Variants in ALG8 observed in about 807,000 individuals in gnomAD.
ALG8 encodes the protein dolichyl pyrophosphate Glc1Man9GlcNAc2 alpha-1,3-glucosyltransferase.
ALG8 carries 48 observed loss-of-function variants against 70.2 expected under a neutral mutation model. That is an observed-to-expected ratio of 0.68 (90% CI 0.54 to 0.87). ALG8 has a LOEUF of 0.87. Ranked by LOEUF, ALG8 falls within the 40% of genes least tolerant of loss-of-function variation. ALG8 has a pLI of 0.00. For missense variants in ALG8, 572 were observed against 608.7 expected, an observed-to-expected ratio of 0.94 and a Z score of 0.64; for synonymous variants, 234 against 229.0, an observed-to-expected ratio of 1.02 and a Z score of -0.20.
At chr11:78,128,874 A>G (rs552809835) in intron 1 of ALG8, among the ~76,000 whole-genome samples, 1 of 151,474 alleles carries the variant, frequency 6.6e-6, no homozygotes, top group African/African-American at 2.4e-5. Flanking sequence ...TCGGCCTCCC[A>G]AAGTGCTGGG....
chr11:78,120,206 A>T (rs1454019991), intron 4 of ALG8, among the ~76,000 whole-genome samples: 1 of 152,180 alleles, frequency 6.6e-6, no homozygotes, highest in East Asian at 1.9e-4. Context: ...TTTATGTTTA[A>T]GAAGAAAAAC....
chr11:78,114,097 A>G, intron 6 of ALG8, 108 bp from the exon 7 acceptor site: 1 of 1,357,796 alleles, frequency 7.4e-7, no homozygotes, highest in Non-Finnish European at 1.0e-6. Context: ...ATACCAATCT[A>G]TTCATGATGT....
chr11:78,126,360 CTCT>C (rs1248127561), intron 2 of ALG8, among the ~76,000 whole-genome samples: 1 of 149,674 alleles, frequency 6.7e-6, no homozygotes, highest in Non-Finnish European at 1.5e-5. Context: ...GGGAAACCCC[CTCT>C]TTACTAAAAA....
intron 2 of ALG8, among the ~76,000 whole-genome samples, chr11:78,126,835 T>C (rs944172517): frequency 3.9e-5 from 6 of 152,190 alleles, no homozygotes; most frequent in African/African-American, 1.4e-4. Flanking sequence ...CACTATTCTT[T>C]CAAAAAGTGT....
Position 78,127,607 on chromosome 11 carries a change from G to A in ALG8, c.96-171C>T, listed in dbSNP as rs561881120. ...TCCTGTAAAACCTCATTTATCTGGAGGTCAGATCTTCTAGAAAGTTGTTGA... is the reference window on the plus strand; with the variant it reads ...TCCTGTAAAACCTCATTTATCTGGAAGTCAGATCTTCTAGAAAGTTGTTGA... On this transcript the variant is annotated intron_variant, in intron 1 of 12. Transcript: ENST00000299626. Among the ~76,000 whole-genome samples, 3 of 152,186 alleles carry A rather than the reference G, an allele frequency of 2.0e-5. No homozygotes were observed. The South Asian group carries it at 6.2e-4, about 32-fold the overall frequency.
intron 1 of ALG8, among the ~76,000 whole-genome samples, chr11:78,134,139 G>T (rs1299033032): frequency 4.3e-5 from 6 of 139,988 alleles, no homozygotes; most frequent in African/African-American, 7.8e-5. Flanking sequence ...TGGCAAACTG[G>T]TTTTTTTTTT....
chr11:78,101,401 G>A (rs927860191), intron 12 of ALG8, among the ~76,000 whole-genome samples: 3 of 152,178 alleles, frequency 2.0e-5, no homozygotes, highest in Non-Finnish European at 4.4e-5. Flanking sequence ...GGCCAAGGCA[G>A]GTGGATCACC....
chr11:78,112,837 A>G, intron 7 of ALG8, 67 bp from the exon 8 acceptor site: 1 of 1,575,384 alleles, frequency 6.3e-7, no homozygotes, highest in South Asian at 1.1e-5. Context: ...AAAGAGAACT[A>G]GGGAACTCTC....
chr11:78,115,452 C>T (rs570880842), intron 5 of ALG8, among the ~76,000 whole-genome samples: 2 of 141,698 alleles, frequency 1.4e-5, no homozygotes, highest in South Asian at 2.2e-4. Flanking sequence ...GGCACGGTCT[C>T]GTTTACTGCA....
At chr11:78,129,464 TA>T (rs1280725641) in intron 1 of ALG8, among the ~76,000 whole-genome samples, 2 of 149,336 alleles carry the variant, frequency 1.3e-5, no homozygotes, top group Non-Finnish European at 3.0e-5. Flanking sequence ...TTGCAACAGG[TA>T]AAAAGTGGAG....
At chr11:78,113,848 A>C (rs560582769) in intron 7 of ALG8, 38 bp downstream of exon 7, 7 of 1,419,790 alleles carry the variant, frequency 4.9e-6, no homozygotes, top group Non-Finnish European at 6.7e-6. Flanking sequence ...CCAACAAAGA[A>C]CATGTATTAA....
intron 3 of ALG8, among the ~76,000 whole-genome samples, chr11:78,123,112 C>A: frequency 6.6e-6 from 1 of 151,972 alleles, no homozygotes; most frequent in South Asian, 2.1e-4. Context: ...TCAAGACCAG[C>A]CTGGCCAACA....
intron 1 of ALG8, among the ~76,000 whole-genome samples, chr11:78,136,682 G>A (rs1490424055): frequency 1.3e-5 from 2 of 152,108 alleles, no homozygotes; most frequent in African/African-American, 4.8e-5. Flanking sequence ...AGTCTTAAGG[G>A]CCATTGGATT....
chr11:78,105,747 G>A (rs1203477420), intron 10 of ALG8, among the ~76,000 whole-genome samples: 1 of 141,662 alleles, frequency 7.1e-6, no homozygotes, highest in Non-Finnish European at 1.5e-5. Flanking sequence ...TCACTCTATT[G>A]CCCCAGGCTG....
intron 1 of ALG8, chr11:78,138,802 G>A (rs1185358188): frequency 6.6e-6 from 3 of 456,148 alleles, no homozygotes; most frequent in African/African-American, 6.0e-5. Context: ...TCTAACTGTG[G>A]TCTTCGAAAC....
intron 10 of ALG8, among the ~76,000 whole-genome samples, chr11:78,106,137 A>G (rs1221377125): frequency 1.3e-5 from 2 of 152,180 alleles, no homozygotes; most frequent in African/African-American, 4.8e-5. Context: ...TTGACTAACA[A>G]CACTTAACAA....
chr11:78,126,550 A>C (rs1861089401), intron 2 of ALG8, among the ~76,000 whole-genome samples: 1 of 147,824 alleles, frequency 6.8e-6, no homozygotes, highest in Non-Finnish European at 1.5e-5. Context: ...AAAAAAAGGA[A>C]AAGAAAAAGA....
At chr11:78,107,173 T>C (rs375771571) in intron 9 of ALG8, among the ~76,000 whole-genome samples, 37 of 144,086 alleles carry the variant, frequency 2.6e-4, no homozygotes, top group Non-Finnish European at 4.2e-4. Context: ...TATTTTTATA[T>C]GTAAATAAAT....
chr11:78,116,025 C>G (rs749744994), intron 5 of ALG8, among the ~76,000 whole-genome samples: 3 of 152,160 alleles, frequency 2.0e-5, no homozygotes, highest in Non-Finnish European at 4.4e-5. Flanking sequence ...GCACTTGATA[C>G]AAACACTACT....
Sources: allele counts gnomAD v4.1 joint callset (sites outside exome capture counted in the v4.1 genomes callset), GRCh38; gene constraint gnomAD v4.1.1; transcripts MANE v1.5; gene names NCBI Gene and HGNC (gene_info 2026-07-23, HGNC 2026-07-21).